The following TPRG1 variants were observed in gnomAD, a reference collection of about 807,000 sequenced individuals.
TPRG1 encodes tumor protein p63 regulated 1.
TPRG1 carries 29 observed loss-of-function variants against 29.3 expected under a neutral mutation model. The ratio of observed to expected loss-of-function variants is 0.99; its 90% CI spans 0.74 to 1.35. The LOEUF (loss-of-function observed/expected upper bound fraction) is 1.35, where lower values mean the gene tolerates loss of function less well. Among genes scored for constraint, TPRG1 ranks in the 40% most tolerant of loss-of-function variants. The pLI, the probability that TPRG1 is intolerant of heterozygous loss-of-function variation, is 0.00. For missense variants in TPRG1, 327 were observed against 335.0 expected (o/e 0.98, Z 0.19); for synonymous variants, 130 against 116.8 (o/e 1.11, Z -0.73).
intron 3 of TPRG1, among the ~76,000 whole-genome samples, chr3:189,135,084 C>T (rs1026656395): frequency 4.6e-5 from 7 of 152,152 alleles, no homozygotes; most frequent in Admixed American, 2.6e-4. Flanking sequence ...CTCTTCTTTG[C>T]GGTCAGTACT....
chr3:189,120,539 T>A (rs1367842311), intron 1 of TPRG1, among the ~76,000 whole-genome samples: 1 of 152,166 alleles, frequency 6.6e-6, no homozygotes, highest in African/African-American at 2.4e-5. Context: ...TACTGACATT[T>A]AAAAAAATGC....
intron 1 of TPRG1, 82 bp from the exon 2 acceptor site, chr3:189,207,294 C>T (rs753709319): frequency 7.2e-6 from 11 of 1,524,896 alleles, no homozygotes; most frequent in South Asian, 1.2e-5. Flanking sequence ...TCCGTTTGCT[C>T]ATCATATTCT....
intron 2 of TPRG1, among the ~76,000 whole-genome samples, chr3:189,130,395 C>A (rs527496531): frequency 6.6e-6 from 1 of 152,300 alleles, no homozygotes; most frequent in South Asian, 2.1e-4. Context: ...ACATGTAGTA[C>A]CTGAAAAAAT....
chr3:189,109,214 C>T (rs148870610), intron 1 of TPRG1, among the ~76,000 whole-genome samples: 15 of 152,190 alleles, frequency 9.9e-5, no homozygotes, highest in African/African-American at 2.2e-4. Context: ...AGATTTCTGT[C>T]GTCCGGAGGA....
intron 4 of TPRG1, among the ~76,000 whole-genome samples, chr3:189,262,203 GGTATAAGTATAA>G (rs59142894): frequency 0.017 from 2,463 of 141,524 alleles, 30 homozygotes; most frequent in East Asian, 0.036. Flanking sequence ...GAGAAGACTT[GGTATAAGTATAA>G]GTATAAGTAT....
intron 4 of TPRG1, among the ~76,000 whole-genome samples, chr3:189,085,988 A>ACCAT (rs915009032): frequency 2.8e-4 from 42 of 152,298 alleles, no homozygotes; most frequent in African/African-American, 1.0e-3. Flanking sequence ...GCTGACTCAC[A>ACCAT]CCATCGCAAG....
At chr3:189,232,476 T>C (rs771653953) in intron 3 of TPRG1, among the ~76,000 whole-genome samples, 30 of 152,248 alleles carry the variant, frequency 2.0e-4, no homozygotes, top group Non-Finnish European at 2.6e-4. Flanking sequence ...TCTGGGGACC[T>C]GAGTTCAGCT....
intron 3 of TPRG1, among the ~76,000 whole-genome samples, chr3:189,021,805 T>G (rs1713330024): frequency 6.6e-6 from 1 of 152,204 alleles, no homozygotes. Flanking sequence ...GAAGTTCTCC[T>G]GGATAATATC....
At chr3:189,223,071 C>A (rs1737179759) in intron 3 of TPRG1, among the ~76,000 whole-genome samples, 1 of 152,212 alleles carries the variant, frequency 6.6e-6, no homozygotes, top group Non-Finnish European at 1.5e-5. Context: ...CTCCTTGAGG[C>A]AGGGCCTGAT....
chr3:189,010,584 T>A (rs1462530299), intron 3 of TPRG1, among the ~76,000 whole-genome samples: 1 of 152,246 alleles, frequency 6.6e-6, no homozygotes. Context: ...TGTCTTCTTT[T>A]GAAAAGTGTC....
At chr3:189,115,806 A>C (rs1037981227) in intron 1 of TPRG1, among the ~76,000 whole-genome samples, 13 of 152,226 alleles carry the variant, frequency 8.5e-5, no homozygotes, top group African/African-American at 2.9e-4. Flanking sequence ...ACGAAGGTCT[A>C]AACTTTATCA....
intron 4 of TPRG1, among the ~76,000 whole-genome samples, chr3:189,054,149 C>A (rs1196374796): frequency 1.3e-5 from 2 of 152,098 alleles, no homozygotes; most frequent in South Asian, 2.1e-4. Context: ...TTTACTTTAA[C>A]CCTTACAAGT....
intron 5 of TPRG1, chr3:189,313,149 A>G (rs1722976051): frequency 6.6e-6 from 1 of 152,140 alleles, no homozygotes; most frequent in African/African-American, 2.4e-5. Context: ...AGGAAAACAA[A>G]TGATCTCCAT....
intron 4 of TPRG1, among the ~76,000 whole-genome samples, chr3:189,285,031 A>C (rs1318815344): frequency 1.3e-5 from 2 of 152,194 alleles, no homozygotes; most frequent in African/African-American, 4.8e-5. Context: ...AATTTTTGCA[A>C]TCTACTCATC....
In TPRG1 at chr3:189,160,617, A is replaced by G. The variant is rs142661845; in HGVS notation, c.-10+9745A>G. ...TCATCCTCCCCAACCCAACTCCCCA[A>G]CCCAGGGAGACGGGGACTAGGCTTG... On this transcript the variant is annotated intron_variant, in intron 5 of 6. Transcript: ENST00000412373. Among the ~76,000 whole-genome samples the G allele has an allele frequency of 2.7e-3, 415 of 152,230 alleles. 2 individuals carry two copies. The highest frequency in any genetic ancestry group is 8.7e-3 in the African/African-American group (360 of 41,546).
At chr3:189,147,912 T>C (rs191339941) in intron 4 of TPRG1, among the ~76,000 whole-genome samples, 29 of 152,328 alleles carry the variant, frequency 1.9e-4, no homozygotes, top group Admixed American at 1.8e-3. Context: ...GAAAAGATGG[T>C]CACCTTGCAC....
intron 4 of TPRG1, among the ~76,000 whole-genome samples, chr3:189,254,080 C>T (rs1417777743): frequency 6.6e-6 from 1 of 152,150 alleles, no homozygotes; most frequent in East Asian, 1.9e-4. Context: ...GTGTTTTAGT[C>T]ATGAAGTCTT....
At chr3:189,125,853 GTGTGTGTGTGTGTGTGTGTT>G (rs1722408702) in intron 1 of TPRG1, among the ~76,000 whole-genome samples, 1 of 148,810 alleles carries the variant, frequency 6.7e-6, no homozygotes, top group African/African-American at 2.5e-5. Flanking sequence ...GTGTGTGTGT[GTGTGTGTGTGTGTGTGTGTT>G]TGGTATATTT....
chr3:189,311,934 G>T (rs536057452), intron 5 of TPRG1, among the ~76,000 whole-genome samples: 3 of 152,220 alleles, frequency 2.0e-5, no homozygotes, highest in African/African-American at 7.2e-5. Context: ...GTGGGAGTTT[G>T]CATCATGCTC....
Sources: gnomAD v4.1 joint callset for allele counts (sites outside exome capture counted in the v4.1 genomes callset) on GRCh38, gnomAD v4.1.1 for gene constraint, MANE v1.5 for transcripts, NCBI Gene and HGNC (gene_info 2026-07-23, HGNC 2026-07-21) for gene names.